The following ARHGAP39 variants were observed in gnomAD, a reference collection of about 807,000 sequenced individuals.
The protein encoded by ARHGAP39 is rho GTPase-activating protein 39.
In ARHGAP39, 44 loss-of-function variants were observed where a neutral mutation model predicts 106.9. The observed-to-expected ratio is 0.41, with a 90% confidence interval of 0.32 to 0.53. ARHGAP39 has a LOEUF of 0.53. Ranked by LOEUF, ARHGAP39 falls within the 20% of genes least tolerant of loss-of-function variation. The pLI, the probability that ARHGAP39 is intolerant of heterozygous loss-of-function variation, is 0.21. For synonymous variants in ARHGAP39, 768 were observed against 693.2 expected (o/e 1.11, Z -1.69); for missense variants, 1,496 against 1,577.3 (o/e 0.95, Z 0.87).
Position 144,529,704 on chromosome 8 carries a change from C to G in ARHGAP39, c.*718G>C, listed in dbSNP as rs552495058. 6.6e-6 allele frequency: 1 copy of G among 152,370 alleles called. No individual in the cohort carries two copies. Among genetic ancestry groups the G allele is most frequent in the African/African-American group, 2.4e-5 (1 of 41,574 alleles). 9.4% of individuals were successfully genotyped at this position (152,370 alleles called of 1,614,324 possible). A position where few individuals can be genotyped will look rare whatever the true frequency, so the allele number is the denominator to read the frequency against. On this transcript the variant is annotated 3_prime_UTR_variant, in exon 12 of 12. Coordinates refer to ENST00000377307, the MANE Select transcript of ARHGAP39 (RefSeq NM_025251.3). ...TATATCTTTCCCTCTATTTATATCT[C>G]TATACACGGTGGGCTGCGATGCAGG...
At chr8:144,673,998 T>C (rs1226725875) in intron 1 of ARHGAP39, among the ~76,000 whole-genome samples, 4 of 152,188 alleles carry the variant, frequency 2.6e-5, no homozygotes, top group African/African-American at 7.2e-5. Flanking sequence ...TCCAGAAGCT[T>C]GGAGATGCCA....
At chr8:144,628,657 A>G (rs542844811) in intron 1 of ARHGAP39, among the ~76,000 whole-genome samples, 2 of 152,360 alleles carry the variant, frequency 1.3e-5, no homozygotes, top group South Asian at 2.1e-4. Context: ...CCAACAGTCA[A>G]TGAACCAACC....
At position 144,547,952 on chromosome 8, in the gene ARHGAP39, A is replaced by G. The variant is rs549718132; in HGVS notation, c.1134T>C (p.Cys378=). The G allele has an allele frequency of 3.8e-5, 61 of 1,600,602 alleles. No homozygotes were observed. The African/African-American group carries it at 7.0e-4, about 18-fold the overall frequency. The part of the protein sequence containing the change: ...CQQLVLTKQK[C]PERFLSLEYS... ...ACTCCAGGCTCAGGAAGCGCTCGGGACACTTCTGCTTGGTGAGCACCAGCT... is the reference window on the plus strand; with the variant it reads ...ACTCCAGGCTCAGGAAGCGCTCGGGGCACTTCTGCTTGGTGAGCACCAGCT... Residue 378 remains cysteine (C), a synonymous_variant, in exon 5 of 12, where the codon TGT becomes TGC. Transcript: ENST00000377307. The surrounding 1 kb of genome is among the most constrained non-coding windows in gnomAD (Gnocchi z 5.2).
intron 2 of ARHGAP39, among the ~76,000 whole-genome samples, chr8:144,599,560 G>A (rs1400423508): frequency 6.6e-6 from 1 of 152,324 alleles, no homozygotes; most frequent in Middle Eastern, 3.4e-3. Flanking sequence ...ACGGGGAAGA[G>A]GCCTGGCTGA....
At chr8:144,664,374 C>T (rs1821907754) in intron 1 of ARHGAP39, among the ~76,000 whole-genome samples, 1 of 152,168 alleles carries the variant, frequency 6.6e-6, no homozygotes, top group Non-Finnish European at 1.5e-5. Flanking sequence ...TGGGTGATGG[C>T]CACTACCCAA....
intron 1 of ARHGAP39, among the ~76,000 whole-genome samples, chr8:144,667,472 G>C (rs112114119): frequency 0.021 from 3,168 of 152,154 alleles, 101 homozygotes; most frequent in African/African-American, 0.073. Context: ...CACATGTCAC[G>C]TGTCTGCTTT....
rs1416510791 is a variant in ARHGAP39 at position 144,667,232 on chromosome 8, T to A, written c.-82+18454A>T. ...GCCTGGATGCCCTCCTGCTCCCACCTCACAGGCTGCCCTCCAGCACTGCAG... is the reference window on the plus strand; with the variant it reads ...GCCTGGATGCCCTCCTGCTCCCACCACACAGGCTGCCCTCCAGCACTGCAG... On this transcript the variant is annotated intron_variant, in intron 1 of 11. Transcript: ENST00000377307. Among the ~76,000 whole-genome samples the A allele has an allele frequency of 3.6e-4, 54 of 152,102 alleles. 1 individual carries two copies. Among genetic ancestry groups the A allele is most frequent in the Admixed American group, 3.5e-3 (54 of 15,270 alleles).
chr8:144,667,771 C>A (rs1241694232), intron 1 of ARHGAP39, among the ~76,000 whole-genome samples: 4 of 152,200 alleles, frequency 2.6e-5, no homozygotes, highest in African/African-American at 9.7e-5. Flanking sequence ...ATCTATGAAA[C>A]AGGACCAAGA....
intron 1 of ARHGAP39, among the ~76,000 whole-genome samples, chr8:144,683,012 G>A (rs1445516818): frequency 1.3e-5 from 2 of 152,014 alleles, no homozygotes; most frequent in African/African-American, 2.4e-5. Flanking sequence ...GTGAGACCCT[G>A]TCTCAAAAAC....
At chr8:144,680,368 C>G (rs773148620) in intron 1 of ARHGAP39, among the ~76,000 whole-genome samples, 7 of 152,208 alleles carry the variant, frequency 4.6e-5, no homozygotes, top group Non-Finnish European at 8.8e-5. Context: ...GCCAGAGCGG[C>G]CATGGACAAT....
chr8:144,602,960 G>A (rs1163846442), intron 2 of ARHGAP39, among the ~76,000 whole-genome samples: 14 of 136,940 alleles, frequency 1.0e-4, no homozygotes, highest in South Asian at 2.3e-4. Context: ...TGTGCATGGA[G>A]GCGTGCGTGC....
At chr8:144,599,657 G>A (rs1213913576) in intron 2 of ARHGAP39, among the ~76,000 whole-genome samples, 1 of 152,024 alleles carries the variant, frequency 6.6e-6, no homozygotes, top group Non-Finnish European at 1.5e-5. Flanking sequence ...GAATAAAAAG[G>A]GGGACAAAAA....
rs1392881209 is a variant in ARHGAP39, at chr8:144,671,657, C to A, written c.-82+14029G>T. On this transcript the variant is annotated intron_variant, in intron 1 of 11. Coordinates refer to ENST00000377307, the MANE Select transcript of ARHGAP39 (RefSeq NM_025251.3). The surrounding 1 kb of genome is among the most constrained non-coding windows in gnomAD (Gnocchi z 4.5). Reference sequence around the variant, plus strand: ...GCTGCTGATACTCCTCCTTTCCAGACAAGACACCCCTTCTCCAGAAAGCCT... The same window carrying A: ...GCTGCTGATACTCCTCCTTTCCAGAAAAGACACCCCTTCTCCAGAAAGCCT... 4.6e-5 allele frequency among the ~76,000 whole-genome samples: 7 copies of A among 152,236 alleles called. No homozygotes were observed. The highest frequency in any genetic ancestry group is 4.6e-4 in the Admixed American group (7 of 15,284).
chr8:144,541,096 C>T (rs946555545), intron 6 of ARHGAP39, among the ~76,000 whole-genome samples: 6 of 152,242 alleles, frequency 3.9e-5, no homozygotes, highest in Non-Finnish European at 7.3e-5. Context: ...AGTGATCCAC[C>T]GGCCTCCGCC....
At chr8:144,618,328 C>T (rs1001330289) in intron 1 of ARHGAP39, among the ~76,000 whole-genome samples, 5 of 152,220 alleles carry the variant, frequency 3.3e-5, no homozygotes, top group Admixed American at 1.3e-4. Flanking sequence ...GATCACGTCC[C>T]GCCTCTTCTT....
intron 2 of ARHGAP39, among the ~76,000 whole-genome samples, chr8:144,602,504 G>A (rs537677643): frequency 2.1e-5 from 3 of 139,986 alleles, no homozygotes; most frequent in South Asian, 4.7e-4. Flanking sequence ...ATGTATCTGT[G>A]TACATGGAGG....
Position 144,547,539 on chromosome 8 carries a change from A to C in ARHGAP39, c.1547T>G (p.Leu516Arg). ...CTCGGCCAGGGGCTGCTCCACAAGCAGGTCCCCGGGGCCCTCAGTGGGGGT... is the reference window on the plus strand; with the variant it reads ...CTCGGCCAGGGGCTGCTCCACAAGCCGGTCCCCGGGGCCCTCAGTGGGGGT... Reference protein sequence around the residue: ...SATPTEGPGDLLVEQPLAEEQ... With the variant: ...SATPTEGPGDRLVEQPLAEEQ... The change falls in exon 5 of 12, where the codon CTG (leucine) becomes CGG (arginine). Residue 516 changes from leucine to arginine, a missense_variant. Leu to Arg is a moderately radical substitution (Grantham distance 102). Coordinates refer to ENST00000377307, the MANE Select transcript of ARHGAP39 (RefSeq NM_025251.3). This position sits in a 1 kb window ranked among gnomAD's most constrained non-coding sequence, Gnocchi z 5.2. 2.0e-6 allele frequency: 3 copies of C among 1,477,382 alleles called. No homozygotes were observed. The highest frequency in any genetic ancestry group is 2.7e-6 in the Non-Finnish European group (3 of 1,117,512). The allele number at this position is 1,477,382 out of a possible 1,614,324, so 91.5% of individuals were successfully genotyped here.
chr8:144,548,574 G>A lies in ARHGAP39; in HGVS notation c.597-85C>T, dbSNP rs1392101171. ...ACCCCCTCGGGGGCTGTAGGCAGCGGCTCCCGCGAACCCTCTGTTGTACAC... is the reference window on the plus strand; with the variant it reads ...ACCCCCTCGGGGGCTGTAGGCAGCGACTCCCGCGAACCCTCTGTTGTACAC... On this transcript the variant is annotated intron_variant, in intron 4 of 11. Transcript: ENST00000377307. This position sits in a 1 kb window ranked among gnomAD's most constrained non-coding sequence, Gnocchi z 7.4. 8 of 1,490,226 alleles carry A rather than the reference G, an allele frequency of 5.4e-6. No individual in the cohort carries two copies. Among genetic ancestry groups the A allele is most frequent in the Non-Finnish European group, 6.3e-6 (7 of 1,119,390 alleles). The allele number at this position is 1,490,226 out of a possible 1,614,324, so 92.3% of individuals were successfully genotyped here.
At chr8:144,532,088 G>A (rs1309743859) in intron 10 of ARHGAP39, among the ~76,000 whole-genome samples, 7 of 151,858 alleles carry the variant, frequency 4.6e-5, no homozygotes, top group African/African-American at 1.7e-4. Context: ...AGCAGCAGGT[G>A]GGGAGTGGGC....
Sources: gnomAD v4.1 joint callset for allele counts (sites outside exome capture counted in the v4.1 genomes callset) on GRCh38, gnomAD v4.1.1 for gene constraint, Gnocchi (gnomAD v3.1) non-coding constraint, MANE v1.5 for transcripts, NCBI Gene and HGNC (gene_info 2026-07-23, HGNC 2026-07-21) for gene names.